Variants in ATAD2B observed in about 807,000 individuals in gnomAD.
ATAD2B encodes ATPase family AAA domain-containing protein 2B.
A neutral mutation model predicts 167.6 loss-of-function variants in ATAD2B; 40 were observed. The observed-to-expected ratio is 0.24, with a 90% confidence interval of 0.19 to 0.31. The LOEUF (loss-of-function observed/expected upper bound fraction) is 0.31, where lower values mean the gene tolerates loss of function less well. Ranked by LOEUF, ATAD2B falls within the 10% of genes least tolerant of loss-of-function variation. The pLI is 1.00. For missense variants in ATAD2B, 1,242 were observed against 1,757.2 expected (o/e 0.71, Z 5.24); for synonymous variants, 579 against 596.5 (o/e 0.97, Z 0.43).
intron 19 of ATAD2B, among the ~76,000 whole-genome samples, chr2:23,792,315 G>A (rs1272173496): frequency 1.3e-5 from 2 of 151,960 alleles, no homozygotes; most frequent in Non-Finnish European, 2.9e-5. Flanking sequence ...CCAAAGTGCT[G>A]GGATTACAGG....
the ATAD2B span, chr2:23,691,499 A>G: frequency 1.6e-6 from 1 of 608,726 alleles, no homozygotes; most frequent in South Asian, 2.0e-5. Flanking sequence ...CTCTGGTCAG[A>G]CTCTTCTCTT....
chr2:23,911,479 CAGA>C (rs1702291479), intron 1 of ATAD2B, among the ~76,000 whole-genome samples: 1 of 151,578 alleles, frequency 6.6e-6, no homozygotes, highest in African/African-American at 2.4e-5. Context: ...CACCTGAGCC[CAGA>C]AGGTCAAGGC....
intron 2 of ATAD2B, among the ~76,000 whole-genome samples, chr2:23,891,711 A>T (rs1236269175): frequency 1.3e-5 from 2 of 150,940 alleles, no homozygotes; most frequent in Non-Finnish European, 3.0e-5. Context: ...CTGGTCTCCA[A>T]CTCCTGACCT....
intron 1 of ATAD2B, among the ~76,000 whole-genome samples, chr2:23,902,020 T>C (rs1700903967): frequency 2.6e-5 from 4 of 152,334 alleles, no homozygotes; most frequent in Admixed American, 2.6e-4. Context: ...TTCAATTCCA[T>C]TCAGAAGTAT....
At chr2:23,743,976 A>G (rs868145283), downstream of ATAD2B, among the ~76,000 whole-genome samples, 2 of 152,312 alleles carry the variant, frequency 1.3e-5, no homozygotes, top group Middle Eastern at 3.4e-3. Flanking sequence ...TATTATTAAC[A>G]AAAAGGTGTA....
At chr2:23,867,241 T>G (rs1379966275) in intron 10 of ATAD2B, among the ~76,000 whole-genome samples, 1 of 152,178 alleles carries the variant, frequency 6.6e-6, no homozygotes, top group African/African-American at 2.4e-5. Flanking sequence ...CAAGCCATTC[T>G]CCATCCAGAC....
intron 13 of ATAD2B, among the ~76,000 whole-genome samples, chr2:23,841,670 G>A (rs747348393): frequency 2.8e-4 from 43 of 151,840 alleles, no homozygotes; most frequent in Non-Finnish European, 5.0e-4. Context: ...CACAGGCCAC[G>A]ACACTCAGCT....
the ATAD2B span, chr2:23,703,709 C>G: frequency 1.3e-6 from 2 of 1,533,332 alleles, no homozygotes; most frequent in South Asian, 1.2e-5. Flanking sequence ...CTGCTCTGCT[C>G]TCCTCACAGA....
chr2:23,797,585 G>GACCA (rs1305335390), intron 19 of ATAD2B, among the ~76,000 whole-genome samples: 7 of 152,102 alleles, frequency 4.6e-5, no homozygotes, highest in Admixed American at 4.6e-4. Flanking sequence ...AAATGCCTGA[G>GACCA]ACCAGATGTG....
chr2:23,908,302 C>G (rs1376653823), intron 1 of ATAD2B, among the ~76,000 whole-genome samples: 2 of 152,052 alleles, frequency 1.3e-5, no homozygotes, highest in Non-Finnish European at 2.9e-5. Context: ...AAGAAAAAAA[C>G]AACCCCATCA....
At chr2:23,728,009 C>T in the ATAD2B span, among the ~76,000 whole-genome samples, 2 of 152,222 alleles carry the variant, frequency 1.3e-5, no homozygotes, top group South Asian at 2.1e-4. Flanking sequence ...TTTGTCAAAG[C>T]CCACAGAATG....
chr2:23,861,280 T>C (rs1203414566), intron 12 of ATAD2B, among the ~76,000 whole-genome samples: 1 of 151,756 alleles, frequency 6.6e-6, no homozygotes, highest in Admixed American at 6.6e-5. Context: ...GTAAGATAGG[T>C]ATTCTTTCTA....
intron 13 of ATAD2B, among the ~76,000 whole-genome samples, chr2:23,848,912 G>A (rs371291084): frequency 1.3e-5 from 2 of 151,968 alleles, no homozygotes; most frequent in African/African-American, 4.8e-5. Flanking sequence ...AACCTTCCAA[G>A]TTTTACTCTT....
At chr2:23,789,380 G>GTCTACCT (rs1298073910) in intron 19 of ATAD2B, among the ~76,000 whole-genome samples, 1 of 152,042 alleles carries the variant, frequency 6.6e-6, no homozygotes, top group Admixed American at 6.6e-5. Flanking sequence ...TTTCTAGAAT[G>GTCTACCT]TCTACCTTCT....
the ATAD2B span, among the ~76,000 whole-genome samples, chr2:23,719,955 G>A: frequency 3.9e-5 from 6 of 152,290 alleles, no homozygotes; most frequent in African/African-American, 2.4e-5. Flanking sequence ...CCCTGGGCAC[G>A]AGTCCTTAGC....
intron 19 of ATAD2B, among the ~76,000 whole-genome samples, chr2:23,793,390 A>G (rs1011664498): frequency 5.3e-5 from 8 of 152,124 alleles, no homozygotes; most frequent in Admixed American, 1.3e-4. Context: ...CTTCCTACAA[A>G]TATCTCTAAT....
chr2:23,687,210 C>T, the ATAD2B span, among the ~76,000 whole-genome samples: 1 of 152,190 alleles, frequency 6.6e-6, no homozygotes, highest in Admixed American at 6.5e-5. Context: ...GACCTCTGTC[C>T]TGGTGTAGAC....
intron 24 of ATAD2B, among the ~76,000 whole-genome samples, chr2:23,760,148 G>A (rs1349152935): frequency 1.3e-5 from 2 of 152,218 alleles, no homozygotes; most frequent in Non-Finnish European, 2.9e-5. Context: ...GGCTAATACG[G>A]TAAGAGAAAA....
chr2:23,782,950 G>C lies in ATAD2B; in HGVS notation c.3052C>G (p.Leu1018Val), dbSNP rs1422211750. Residue 1018 changes from leucine (L) to valine (V), a missense_variant, in exon 22 of 28, where the codon CTG (leucine) becomes GTG (valine). Leu to Val is a conservative substitution (Grantham distance 32). This residue lies in a region of ATAD2B where 204 missense variants were observed against 324.0 expected (regional missense o/e 0.63). Coordinates refer to ENST00000238789, the MANE Select transcript of ATAD2B (RefSeq NM_017552.4). ...TCTTTCAGGAAATCCTTTGCAGTCA[G>C]GTAATTATGTTTATCAATTTTAGTT... ...VITKIDKHNYLTAKDFLKDID... is the reference protein window; with the variant it reads ...VITKIDKHNYVTAKDFLKDID... 1.2e-6 allele frequency: 2 copies of C among 1,605,064 alleles called. No individual in the cohort carries two copies. The highest frequency in any genetic ancestry group is 1.7e-6 in the Non-Finnish European group (2 of 1,172,430).
Sources: gnomAD v4.1 joint callset for allele counts (sites outside exome capture counted in the v4.1 genomes callset) on GRCh38, gnomAD v4.1.1 for gene constraint, gnomAD v4.1.1 regional missense constraint, MANE v1.5 for transcripts, NCBI Gene and HGNC (gene_info 2026-07-23, HGNC 2026-07-21) for gene names.